PRORP: variants seen among roughly 807,000 people sequenced by gnomAD.
The protein encoded by PRORP is protein only RNase P catalytic subunit.
A neutral mutation model predicts 59.4 loss-of-function variants in PRORP; 51 were observed. That is an observed-to-expected ratio of 0.86 (90% CI 0.69 to 1.08). PRORP has a LOEUF of 1.08. Among genes scored for constraint, PRORP ranks in the 50% least tolerant of loss-of-function variants. PRORP has a pLI of 0.00. For missense variants in PRORP, 646 were observed against 690.3 expected (o/e 0.94, Z 0.72); for synonymous variants, 231 against 245.6 (o/e 0.94, Z 0.55).
At chr14:35,235,859 T>C (rs1290555960) in intron 5 of PRORP, among the ~76,000 whole-genome samples, 3 of 151,652 alleles carry the variant, frequency 2.0e-5, no homozygotes, top group Non-Finnish European at 4.4e-5. Flanking sequence ...GAGCTCAGGA[T>C]TTTGAGACCA....
chr14:35,236,332 T>A (rs1314725784), intron 5 of PRORP, among the ~76,000 whole-genome samples: 1 of 152,140 alleles, frequency 6.6e-6, no homozygotes, highest in Non-Finnish European at 1.5e-5. Flanking sequence ...TTCTCTTGGA[T>A]CTCCATTGCT....
intron 5 of PRORP, among the ~76,000 whole-genome samples, chr14:35,224,418 A>C (rs971440524): frequency 6.6e-6 from 1 of 152,202 alleles, no homozygotes; most frequent in Non-Finnish European, 1.5e-5. Flanking sequence ...AGCAAGTGGA[A>C]TCTCCTATCA....
chr14:35,246,180 A>G (rs2050478467), intron 5 of PRORP, among the ~76,000 whole-genome samples: 1 of 152,018 alleles, frequency 6.6e-6, no homozygotes, highest in South Asian at 2.1e-4. Flanking sequence ...GTGACTTTGT[A>G]TGGTCTATTT....
At chr14:35,122,712 C>T (rs1208399605) in intron 1 of PRORP, 77 bp downstream of exon 1, 2 of 156,736 alleles carry the variant, frequency 1.3e-5, no homozygotes, top group African/African-American at 4.8e-5. Context: ...TCGCCACCTC[C>T]TCCCTCCTCG....
chr14:35,152,342 ACACAGCAAC>A (rs1271616121), intron 4 of PRORP, among the ~76,000 whole-genome samples: 1 of 152,218 alleles, frequency 6.6e-6, no homozygotes. Flanking sequence ...TTCTACACAG[ACACAGCAAC>A]AATCTGATTT....
intron 5 of PRORP, among the ~76,000 whole-genome samples, chr14:35,205,660 T>G (rs1444548668): frequency 6.6e-6 from 1 of 152,208 alleles, no homozygotes; most frequent in Non-Finnish European, 1.5e-5. Context: ...GTTTCAGAAG[T>G]GAAAGAAAAG....
chr14:35,235,824 G>C (rs546317517), intron 5 of PRORP, among the ~76,000 whole-genome samples: 88 of 152,102 alleles, frequency 5.8e-4, no homozygotes, highest in African/African-American at 2.1e-3. Flanking sequence ...CCAGCATTTT[G>C]GGAGGCCGAG....
intron 4 of PRORP, among the ~76,000 whole-genome samples, chr14:35,128,913 T>G (rs1227546382): frequency 1.3e-5 from 2 of 152,098 alleles, no homozygotes; most frequent in Non-Finnish European, 2.9e-5. Context: ...AGACGCATAT[T>G]TGGCCGGGCG....
chr14:35,186,175 CG>C (rs918677529), intron 5 of PRORP, among the ~76,000 whole-genome samples: 1 of 123,946 alleles, frequency 8.1e-6, no homozygotes, highest in Non-Finnish European at 1.6e-5. Context: ...TTTGTGGAGA[CG>C]GGGTTTTGTC....
Position 35,161,918 on chromosome 14 carries a change from C to T in PRORP, c.1168-18752C>T, listed in dbSNP as rs149216205. Among the ~76,000 whole-genome samples the T allele has an allele frequency of 2.7e-3, 407 of 152,228 alleles. 1 individual carries two copies. The highest frequency in any genetic ancestry group is 4.8e-3 in the Admixed American group (74 of 15,286). On this transcript the variant is annotated intron_variant, in intron 4 of 7. Coordinates refer to ENST00000534898, the MANE Select transcript of PRORP (RefSeq NM_014672.4). ...TACCTAACTGCTAGGGAGCATGCAT[C>T]TTTAGCTCATGATTCTAGATGATTG... is the stretch of plus-strand genomic sequence containing the variant.
At chr14:35,220,249 G>A (rs1175945878) in intron 5 of PRORP, among the ~76,000 whole-genome samples, 1 of 152,110 alleles carries the variant, frequency 6.6e-6, no homozygotes, top group Non-Finnish European at 1.5e-5. Flanking sequence ...AGGAGTTTCA[G>A]GTTTGTAGTC....
intron 5 of PRORP, among the ~76,000 whole-genome samples, chr14:35,195,216 A>T: frequency 6.6e-6 from 1 of 152,172 alleles, no homozygotes; most frequent in East Asian, 1.9e-4. Context: ...ATATACAGTG[A>T]TGTATCAGTT....
chr14:35,201,753 G>A (rs991960814), intron 5 of PRORP, among the ~76,000 whole-genome samples: 3 of 151,578 alleles, frequency 2.0e-5, no homozygotes, highest in Non-Finnish European at 4.4e-5. Context: ...CCGCCTCCCA[G>A]TTTAAGTGAT....
intron 5 of PRORP, among the ~76,000 whole-genome samples, chr14:35,198,317 G>A (rs961269926): frequency 1.3e-5 from 2 of 152,248 alleles, no homozygotes; most frequent in African/African-American, 4.8e-5. Flanking sequence ...TGGGCACTCT[G>A]AGTACTATTC....
intron 4 of PRORP, among the ~76,000 whole-genome samples, chr14:35,172,872 ATT>A (rs34525963): frequency 7.3e-6 from 1 of 136,090 alleles, no homozygotes. Flanking sequence ...AGCCAGTTTC[ATT>A]TTTTTTTTTT....
At chr14:35,232,493 C>T (rs371656106) in intron 5 of PRORP, among the ~76,000 whole-genome samples, 2 of 152,280 alleles carry the variant, frequency 1.3e-5, no homozygotes, top group East Asian at 3.9e-4. Context: ...GATAGAAAAA[C>T]AGCAATTATG....
At chr14:35,178,736 C>T (rs912547405) in intron 4 of PRORP, among the ~76,000 whole-genome samples, 37 of 131,578 alleles carry the variant, frequency 2.8e-4, no homozygotes, top group Non-Finnish European at 3.8e-4. Flanking sequence ...GCATTTAGCC[C>T]ATTTACATTT....
intron 4 of PRORP, among the ~76,000 whole-genome samples, chr14:35,151,639 T>TACACAC (rs55940352): frequency 0.022 from 3,113 of 141,802 alleles, 87 homozygotes; most frequent in African/African-American, 0.069. Flanking sequence ...CACACACACA[T>TACACAC]ACACACACAC....
At chr14:35,143,290 T>G (rs2047525022) in intron 4 of PRORP, among the ~76,000 whole-genome samples, 1 of 143,088 alleles carries the variant, frequency 7.0e-6, no homozygotes, top group African/African-American at 2.5e-5. Context: ...CTCCCCCGAG[T>G]AGCTGGGATT....
Sources: allele counts gnomAD v4.1 joint callset (sites outside exome capture counted in the v4.1 genomes callset), GRCh38; gene constraint gnomAD v4.1.1; transcripts MANE v1.5; gene names NCBI Gene and HGNC (gene_info 2026-07-23, HGNC 2026-07-21).